NRP1: variants seen among roughly 807,000 people sequenced by gnomAD.
The protein encoded by NRP1 is neuropilin-1.
NRP1 carries 35 observed loss-of-function variants against 106.7 expected under a neutral mutation model. The ratio of observed to expected loss-of-function variants is 0.33; its 90% confidence interval spans 0.25 to 0.43. The LOEUF is 0.43. Ranked by LOEUF, NRP1 falls within the 20% of genes least tolerant of loss-of-function variation. The probability of loss-of-function intolerance (pLI) is 1.00; values close to 1 mark genes in which losing one functional copy is unlikely to be tolerated. For synonymous variants in NRP1, 437 were observed against 417.9 expected (o/e 1.05, Z -0.56); for missense variants, 1,024 against 1,170.4 (o/e 0.87, Z 1.83).
At chr10:33,251,507 C>T (rs1841855059) in intron 6 of NRP1, among the ~76,000 whole-genome samples, 1 of 152,190 alleles carries the variant, frequency 6.6e-6, no homozygotes, top group Non-Finnish European at 1.5e-5. Flanking sequence ...AGCCATAGAA[C>T]ATGGCATAAG....
rs1474663274 is a variant in NRP1 at position 33,199,352 on chromosome 10, A to G, written c.1865-1643T>C. Among the ~76,000 whole-genome samples, 5 of 100,448 alleles carry G rather than the reference A, an allele frequency of 5.0e-5. No individual in the cohort carries two copies. The Admixed American group carries it at 5.3e-4, about 11-fold the overall frequency. The allele number at this position is 100,448 out of a possible 152,430, so 65.9% of individuals were successfully genotyped here. The stretch of plus-strand genomic sequence containing the variant: ...GCCAGGACTACAGGTGTGCGCCACC[A>G]TGCCTGGCTGTTTTCTATATATATA... On this transcript the variant is annotated intron_variant, in intron 11 of 16. Transcript: ENST00000374867.
intron 6 of NRP1, chr10:33,249,404 C>G (rs1381388289): frequency 2.0e-6 from 1 of 506,720 alleles, no homozygotes. Flanking sequence ...ATTGAGAGAG[C>G]CTGAATGGAG....
Position 33,222,733 on chromosome 10 carries a change from C to A in NRP1, c.1138-870G>T, listed in dbSNP as rs111765537. Among the ~76,000 whole-genome samples, 737 of 152,262 alleles carry A rather than the reference C, an allele frequency of 4.8e-3. 5 individuals are homozygous for A. Among genetic ancestry groups the A allele is most frequent in the African/African-American group, 0.017 (698 of 41,544 alleles). ...ATGGGGTTTCACCATGTTGGTTGGC[C>A]AGGCTGGTGTTGAATTCCTTACTTC... On this transcript the variant is annotated intron_variant, in intron 7 of 16. Coordinates refer to ENST00000374867, the MANE Select transcript of NRP1 (RefSeq NM_003873.7).
intron 2 of NRP1, among the ~76,000 whole-genome samples, chr10:33,272,776 C>T (rs1295768166): frequency 6.6e-6 from 1 of 152,046 alleles, no homozygotes; most frequent in Non-Finnish European, 1.5e-5. Flanking sequence ...TTTGGCCTGG[C>T]GACGGTGCAT....
intron 3 of NRP1, among the ~76,000 whole-genome samples, chr10:33,269,575 A>G (rs761745815): frequency 7.2e-5 from 11 of 152,182 alleles, no homozygotes; most frequent in African/African-American, 9.7e-5. Context: ...ATACCTTATA[A>G]CTGAGGTCCC....
intron 2 of NRP1, among the ~76,000 whole-genome samples, chr10:33,298,825 C>T (rs188828499): frequency 5.3e-5 from 8 of 152,268 alleles, no homozygotes; most frequent in African/African-American, 1.9e-4. Flanking sequence ...ACCGTAGACA[C>T]CACACGAATT....
intron 11 of NRP1, among the ~76,000 whole-genome samples, chr10:33,200,701 G>C (rs555784534): frequency 6.6e-5 from 10 of 152,368 alleles, no homozygotes; most frequent in Admixed American, 2.0e-4. Flanking sequence ...AAAATTGCTT[G>C]TGAGCATAGG....
intron 6 of NRP1, among the ~76,000 whole-genome samples, chr10:33,235,910 T>G (rs1265605839): frequency 6.6e-6 from 1 of 152,228 alleles, no homozygotes; most frequent in Non-Finnish European, 1.5e-5. Context: ...ATATTTTCCT[T>G]CAATTGCATG....
chr10:33,245,938 C>T (rs901239578), intron 6 of NRP1, among the ~76,000 whole-genome samples: 2 of 152,092 alleles, frequency 1.3e-5, no homozygotes, highest in African/African-American at 2.4e-5. Flanking sequence ...TCTACCTGAA[C>T]AGTGGTGGTT....
At chr10:33,316,173 C>T (rs776953477) in intron 2 of NRP1, among the ~76,000 whole-genome samples, 1 of 152,142 alleles carries the variant, frequency 6.6e-6, no homozygotes, top group Non-Finnish European at 1.5e-5. Flanking sequence ...CTGATGCAAT[C>T]GCTCCAGGGA....
At chr10:33,250,011 T>C (rs937619837) in intron 6 of NRP1, among the ~76,000 whole-genome samples, 5 of 152,198 alleles carry the variant, frequency 3.3e-5, no homozygotes, top group Non-Finnish European at 5.9e-5. Flanking sequence ...ATTTAACACA[T>C]GCAAGTATTT....
intron 4 of NRP1, among the ~76,000 whole-genome samples, chr10:33,257,547 C>T (rs1842281547): frequency 6.6e-6 from 1 of 152,136 alleles, no homozygotes; most frequent in Non-Finnish European, 1.5e-5. Flanking sequence ...TGAGGCAAGA[C>T]CCAGGAGGTG....
intron 11 of NRP1, among the ~76,000 whole-genome samples, chr10:33,199,389 ATTTTT>A (rs1160327036): frequency 6.5e-4 from 24 of 36,820 alleles, no homozygotes; most frequent in African/African-American, 2.6e-3. Context: ...ATATATATAT[ATTTTT>A]TTTTTTTTTT....
intron 2 of NRP1, among the ~76,000 whole-genome samples, chr10:33,285,825 T>C (rs1481448865): frequency 1.5e-5 from 2 of 133,238 alleles, no homozygotes; most frequent in African/African-American, 5.5e-5. Flanking sequence ...GGAGCGAGAC[T>C]CCATCTCAAA....
intron 6 of NRP1, among the ~76,000 whole-genome samples, chr10:33,249,144 T>A (rs1020136210): frequency 3.5e-5 from 5 of 141,968 alleles, no homozygotes; most frequent in Non-Finnish European, 6.0e-5. Flanking sequence ...AAGTCACAGT[T>A]ATTTTGAGGA....
At chr10:33,189,397 C>T (rs1440846222) in intron 13 of NRP1, among the ~76,000 whole-genome samples, 2 of 152,202 alleles carry the variant, frequency 1.3e-5, no homozygotes, top group African/African-American at 4.8e-5. Flanking sequence ...CTTTCCTTGA[C>T]CCCTCTTCCG....
chr10:33,288,428 C>T (rs903561592), intron 2 of NRP1: 2 of 152,338 alleles, frequency 1.3e-5, no homozygotes, highest in Admixed American at 6.5e-5. Context: ...GTTCACCCCT[C>T]GTTAGGCAAG....
chr10:33,309,485 G>A (rs1461307702), intron 2 of NRP1, among the ~76,000 whole-genome samples: 1 of 152,224 alleles, frequency 6.6e-6, no homozygotes, highest in Non-Finnish European at 1.5e-5. Flanking sequence ...GTGTTAGGAT[G>A]TACTGCCCCA....
chr10:33,203,504 A>G (rs1837507771), intron 10 of NRP1, among the ~76,000 whole-genome samples: 1 of 152,038 alleles, frequency 6.6e-6, no homozygotes, highest in African/African-American at 2.4e-5. Context: ...TTTTTTTAAA[A>G]AAAAACAAAA....
Sources: allele counts gnomAD v4.1 joint callset (sites outside exome capture counted in the v4.1 genomes callset), GRCh38; gene constraint gnomAD v4.1.1; transcripts MANE v1.5; gene names NCBI Gene and HGNC (gene_info 2026-07-23, HGNC 2026-07-21).